The following MGAT4B variants were observed in gnomAD, a reference collection of about 807,000 sequenced individuals.
The protein encoded by MGAT4B is alpha-1,3-mannosyl-glycoprotein 4-beta-N-acetylglucosaminyltransferase B, also known as N-acetylglucosaminyltransferase IVb.
In MGAT4B, 38 loss-of-function variants were observed where a neutral mutation model predicts 73.9. The ratio of observed to expected loss-of-function variants is 0.51; its 90% CI spans 0.40 to 0.67. The LOEUF (loss-of-function observed/expected upper bound fraction) is 0.67. MGAT4B is among the 30% of genes least tolerant of loss of function. The pLI is 0.00. For synonymous variants in MGAT4B, 373 were observed against 313.5 expected (o/e 1.19, Z -2.01); for missense variants, 686 against 735.2 (o/e 0.93, Z 0.77).
At chr5:179,800,827 T>A in intron 5 of MGAT4B, 80 bp downstream of exon 5, 2 of 1,482,500 alleles carry the variant, frequency 1.3e-6, no homozygotes, top group Non-Finnish European at 1.9e-6. Context: ...CACTATCTCA[T>A]GGGGAGGCAG....
chr5:179,803,764 AGGGCCCCAC>A (rs1757038592), intron 1 of MGAT4B: 1 of 152,244 alleles, frequency 6.6e-6, no homozygotes, highest in Admixed American at 6.5e-5. Context: ...CAGGAGATAA[AGGGCCCCAC>A]GGGCTCCCGC....
intron 1 of MGAT4B, among the ~76,000 whole-genome samples, chr5:179,804,195 G>A (rs1757051701): frequency 6.6e-6 from 1 of 152,230 alleles, no homozygotes; most frequent in Admixed American, 6.5e-5. Context: ...GCCAAGCTGG[G>A]GCACAACCTT....
At position 179,801,550 on chromosome 5, in the gene MGAT4B, A is replaced by T. The variant is rs370035383; in HGVS notation, c.424+4T>A. The T allele has an allele frequency of 6.2e-7, 1 of 1,608,258 alleles. No individual in the cohort carries two copies. Among genetic ancestry groups the T allele is most frequent in the Non-Finnish European group, 8.5e-7 (1 of 1,177,668 alleles). ...CCCGTGCTCCTCCCTGTCTGCGCCC[A>T]TACCTCCGGTGCGGCCCTGGCCCAC... is the stretch of plus-strand genomic sequence containing the variant. On this transcript the variant is annotated splice_donor_region_variant and intron_variant, in intron 3 of 14. Transcript: ENST00000292591. This position sits in a 1 kb window ranked among gnomAD's most constrained non-coding sequence, Gnocchi z 4.8.
rs749104766 is a variant in MGAT4B, at chr5:179,800,189, C to T, written c.790G>A (p.Val264Met). ...MYAQSKGIYYVQLEDDIVAKP... is the reference protein window; with the variant it reads ...MYAQSKGIYYMQLEDDIVAKP... ...ACGCAGGGCTTGGGGCTGACCTGCA[C>T]GTAGTAGATGCCTTTGGACTGCGCG... The change falls in exon 7 of 15, where the codon GTG becomes ATG. Residue 264 changes from valine to methionine, a missense_variant. This residue lies in a region of MGAT4B where 449 missense variants were observed against 536.8 expected (regional missense o/e 0.84). Coordinates refer to ENST00000292591, the MANE Select transcript of MGAT4B (RefSeq NM_014275.5). 10 of 1,613,616 alleles carry T rather than the reference C, an allele frequency of 6.2e-6. No homozygotes were observed. Among genetic ancestry groups the T allele is most frequent in the Admixed American group, 1.7e-5 (1 of 60,018 alleles).
intron 11 of MGAT4B, 115 bp from the exon 12 acceptor site, chr5:179,798,706 G>A: frequency 7.9e-7 from 1 of 1,260,144 alleles, no homozygotes; most frequent in East Asian, 2.5e-5. Context: ...CAGCTGTCAG[G>A]CTGTGCAAAG....
intron 6 of MGAT4B, 35 bp from the exon 7 acceptor site, chr5:179,800,294 C>CCCTCCACCTCCATTGTGGCT: frequency 1.2e-6 from 2 of 1,608,784 alleles, no homozygotes; most frequent in Non-Finnish European, 1.7e-6. Flanking sequence ...AAGTTCAGAC[C>CCCTCCACCTCCATTGTGGCT]CCTCCACCTC....
rs946806154 is a variant in MGAT4B at position 179,806,123 on chromosome 5, G to C, written c.97+364C>G. On this transcript the variant is annotated intron_variant, in intron 1 of 14. Coordinates refer to ENST00000292591, the MANE Select transcript of MGAT4B (RefSeq NM_014275.5). The surrounding 1 kb of genome is among the most constrained non-coding windows in gnomAD (Gnocchi z 4.6). ...CAGCAGGGTGGGGGGGTGCCCTCGC[G>C]CCTGTGTCCCTCACGCCGCCCCAGC... 2 of 152,670 alleles carry C rather than the reference G, an allele frequency of 1.3e-5. No individual in the cohort carries two copies. Among genetic ancestry groups the C allele is most frequent in the Admixed American group, 1.3e-4 (2 of 15,280 alleles). The allele number at this position is 152,670 out of a possible 1,614,324, so 9.5% of individuals were successfully genotyped here.
chr5:179,798,164 C>T lies in MGAT4B; in HGVS notation c.1623+1G>A. ...CCTGGCCTGGCCCTGCCCAGCCTCA[C>T]CTCGCTCAGAATCACCCACACAGGG... On this transcript the variant is annotated splice_donor_variant, in intron 14 of 14. Transcript: ENST00000292591. LOFTEE classifies it high-confidence loss of function. 1.9e-6 allele frequency: 3 copies of T among 1,593,030 alleles called. No homozygotes were observed. Among genetic ancestry groups the T allele is most frequent in the Non-Finnish European group, 2.6e-6 (3 of 1,169,300 alleles).
Position 179,801,414 on chromosome 5 carries a change from T to C in MGAT4B, c.478A>G (p.Thr160Ala). 1 of 1,612,462 alleles carries C rather than the reference T, an allele frequency of 6.2e-7. No homozygotes were observed. Among genetic ancestry groups the C allele is most frequent in the African/African-American group, 1.3e-5 (1 of 75,004 alleles). ...SVRREVHSYL[T>A]DTLHSLISEL... Reference sequence around the variant, plus strand: ...GAGATGAGCGAGTGCAGAGTGTCAGTCAGGTACGAGTGCACCTCGCGCCGC... The same window carrying C: ...GAGATGAGCGAGTGCAGAGTGTCAGCCAGGTACGAGTGCACCTCGCGCCGC... Residue 160 changes from threonine to alanine, a missense_variant, in exon 4 of 15, where the codon ACT becomes GCT. By Grantham distance (58) the Thr-to-Ala change is moderately conservative (BLOSUM62 0). This residue lies in a region of MGAT4B where 449 missense variants were observed against 536.8 expected (regional missense o/e 0.84). Transcript: ENST00000292591. The surrounding 1 kb of genome is among the most constrained non-coding windows in gnomAD (Gnocchi z 4.8).
At chr5:179,800,758 A>C (rs1756883804) in intron 5 of MGAT4B, 149 bp downstream of exon 5, 12 of 1,004,110 alleles carry the variant, frequency 1.2e-5, no homozygotes, top group Non-Finnish European at 7.4e-6. Flanking sequence ...GGGCTGGGCC[A>C]CTTCTGCACA....
Position 179,798,596 on chromosome 5 carries a change from A to G in MGAT4B, c.1344-5T>C, listed in dbSNP as rs928939682. On this transcript the variant is annotated splice_polypyrimidine_tract_variant and splice_region_variant and intron_variant, in intron 11 of 14. Transcript: ENST00000292591. ...TTCCCACTGCGGAAGAAGAACCTGCAGCCAGGCAGGCCTGTGAGCTGCTGC... is the reference window on the plus strand; with the variant it reads ...TTCCCACTGCGGAAGAAGAACCTGCGGCCAGGCAGGCCTGTGAGCTGCTGC... 1.1e-5 allele frequency: 18 copies of G among 1,613,166 alleles called. No homozygotes were observed. Among genetic ancestry groups the G allele is most frequent in the Non-Finnish European group, 1.4e-5 (16 of 1,179,960 alleles).
In MGAT4B at chr5:179,800,556, G is replaced by A. The variant is rs1424037859; in HGVS notation, c.647C>T (p.Ser216Leu). 6.2e-7 allele frequency: 1 copy of A among 1,612,224 alleles called. No homozygotes were observed. Among genetic ancestry groups the A allele is most frequent in the South Asian group, 1.1e-5 (1 of 90,948 alleles). Residue 216 changes from serine to leucine, a missense_variant, in exon 6 of 15, where the codon TCA becomes TTA. Ser to Leu is a moderately radical substitution (Grantham distance 145). Transcript: ENST00000292591. ...EIHSGLLEVI[S>L]PSPHFYPDFS... The stretch of plus-strand genomic sequence containing the variant: ...GTCAGGGTAGAAGTGGGGGGAGGGT[G>A]AGATGACCTCCAGGAGCCCAGAATG...
chr5:179,802,474 C>A, intron 1 of MGAT4B: 1 of 1,036,728 alleles, frequency 9.6e-7, no homozygotes, highest in Non-Finnish European at 1.2e-6. Context: ...CGGGGGGTGG[C>A]TGCTGCAGTT....
intron 1 of MGAT4B, among the ~76,000 whole-genome samples, chr5:179,804,530 T>C (rs1162437121): frequency 6.6e-6 from 1 of 152,162 alleles, no homozygotes; most frequent in Non-Finnish European, 1.5e-5. Context: ...AGATAGGAAA[T>C]TGGGCCCCAA....
Position 179,799,264 on chromosome 5 carries a change from G to C in MGAT4B, c.1088C>G (p.Pro363Arg). ...AGTGCCCACGTGCTGGAAGAGGGAC[G>C]GTTTGAAGCGGATCCGCAGGTTGGC... Reference protein sequence around the residue: ...QKANLRIRFKPSLFQHVGTHS... With the variant: ...QKANLRIRFKRSLFQHVGTHS... The change falls in exon 10 of 15, where the codon CCG becomes CGG. Residue 363 changes from proline to arginine, a missense_variant. By Grantham distance (103) the Pro-to-Arg change is moderately radical (BLOSUM62 -2). Coordinates refer to ENST00000292591, the MANE Select transcript of MGAT4B (RefSeq NM_014275.5). 1 of 1,613,986 alleles carries C rather than the reference G, an allele frequency of 6.2e-7. No individual in the cohort carries two copies. Among genetic ancestry groups the C allele is most frequent in the Non-Finnish European group, 8.5e-7 (1 of 1,180,016 alleles).
At position 179,797,794 on chromosome 5, in the gene MGAT4B, CCGGGTGCGAA is replaced by C; in HGVS notation, c.*241_*250del. On this transcript the variant is annotated 3_prime_UTR_variant, in exon 15 of 15. Coordinates refer to ENST00000292591, the MANE Select transcript of MGAT4B (RefSeq NM_014275.5). ...TCTAAAACGGCCTGACTGGGGCAGG[CCGGGTGCGAA>C]CGGTTCCGGGCCTCAGGCACAGTGT... 2.1e-6 allele frequency: 1 copy of C among 469,878 alleles called. No homozygotes were observed. The highest frequency in any genetic ancestry group is 3.7e-6 in the Non-Finnish European group (1 of 267,462). The allele number at this position is 469,878 out of a possible 1,614,324, so 29.1% of individuals were successfully genotyped here. A position where few individuals can be genotyped will look rare whatever the true frequency, so the allele number is the denominator to read the frequency against.
intron 1 of MGAT4B, 96 bp from the exon 2 acceptor site, chr5:179,802,065 T>G (rs767944035): frequency 2.5e-6 from 4 of 1,597,400 alleles, no homozygotes; most frequent in Non-Finnish European, 2.6e-6. Flanking sequence ...TGTCCACCTC[T>G]GCAATAGCTC....
chr5:179,799,373 C>T (rs572200986), intron 9 of MGAT4B, 63 bp from the exon 10 acceptor site: 9 of 1,603,002 alleles, frequency 5.6e-6, no homozygotes, highest in African/African-American at 2.7e-5. Context: ...ACGGCCTCTC[C>T]TGGGGACTAC....
Position 179,800,268 on chromosome 5 carries a change from C to T in MGAT4B, c.720-9G>A. 3 of 1,613,014 alleles carry T rather than the reference C, an allele frequency of 1.9e-6. No homozygotes were observed. The highest frequency in any genetic ancestry group is 2.5e-6 in the Non-Finnish European group (3 of 1,179,942). ...TCTGTTTGGTCCTCCACCTGTGGGC[C>T]GGGGCGGGGCCTCAGAAGTTCAGAC... On this transcript the variant is annotated splice_polypyrimidine_tract_variant and intron_variant, in intron 6 of 14. Coordinates refer to ENST00000292591, the MANE Select transcript of MGAT4B (RefSeq NM_014275.5).
Sources: gnomAD v4.1 joint callset for allele counts (sites outside exome capture counted in the v4.1 genomes callset) on GRCh38, gnomAD v4.1.1 for gene constraint, gnomAD v4.1.1 regional missense constraint, Gnocchi (gnomAD v3.1) non-coding constraint, MANE v1.5 for transcripts, NCBI Gene and HGNC (gene_info 2026-07-23, HGNC 2026-07-21) for gene names.